Variants in RASSF8 observed in about 807,000 individuals in gnomAD.
RASSF8 encodes the protein ras association domain-containing protein 8.
Under a neutral mutation model 48.5 loss-of-function variants are expected in RASSF8, and 22 were observed. The ratio of observed to expected loss-of-function variants is 0.45; its 90% CI spans 0.32 to 0.65. RASSF8 has a LOEUF of 0.65. RASSF8 is among the 30% of genes least tolerant of loss of function. The pLI, the probability that RASSF8 is intolerant of heterozygous loss-of-function variation, is 0.03. For missense variants in RASSF8, 418 were observed against 489.2 expected, an observed-to-expected ratio of 0.85 and a Z score of 1.37; for synonymous variants, 127 against 171.5, an observed-to-expected ratio of 0.74 and a Z score of 2.03.
At chr12:26,061,983 T>A (rs1943754055) in intron 3 of RASSF8, among the ~76,000 whole-genome samples, 2 of 152,218 alleles carry the variant, frequency 1.3e-5, no homozygotes, top group Admixed American at 1.3e-4. Context: ...CAGTAAGCAC[T>A]GGAAAATTAG....
chr12:25,958,639 G>GCCCGGCC (rs1186276124), upstream of RASSF8: 2 of 143,118 alleles, frequency 1.4e-5, no homozygotes, highest in African/African-American at 5.1e-5. Context: ...TGGCCGCCCG[G>GCCCGGCC]CCCGGCCCGG....
chr12:26,060,848 C>A (rs1302695643), intron 3 of RASSF8, among the ~76,000 whole-genome samples: 1 of 152,174 alleles, frequency 6.6e-6, no homozygotes, highest in African/African-American at 2.4e-5. Context: ...CATTATTTCT[C>A]ATATGTCCAG....
intron 2 of RASSF8, among the ~76,000 whole-genome samples, chr12:25,999,739 A>G (rs565480432): frequency 2.6e-5 from 4 of 152,330 alleles, no homozygotes; most frequent in Non-Finnish European, 4.4e-5. Context: ...GCAATCAACT[A>G]AAATGTAGTT....
At chr12:25,972,986 G>T (rs1382714867) in intron 1 of RASSF8, among the ~76,000 whole-genome samples, 1 of 152,096 alleles carries the variant, frequency 6.6e-6, no homozygotes, top group African/African-American at 2.4e-5. Context: ...ACCCAAGGCT[G>T]TGTGATTCAT....
At chr12:25,999,773 T>C (rs187646619) in intron 2 of RASSF8, among the ~76,000 whole-genome samples, 241 of 152,322 alleles carry the variant, frequency 1.6e-3, no homozygotes, top group African/African-American at 5.7e-3. Context: ...CTGTAAATCA[T>C]GTAAATATCA....
At position 26,048,810 on chromosome 12, in the gene RASSF8, A is replaced by G. The variant is rs80007242; in HGVS notation, c.-108-6426A>G. On this transcript the variant is annotated intron_variant, in intron 2 of 5. Transcript: ENST00000689635. ...CTCTTGTCGCCCAGGCTGGAGTGCA[A>G]TGGTGCATTCTTGGCTCACCGCAAC... 7.3e-5 allele frequency among the ~76,000 whole-genome samples: 11 copies of G among 151,666 alleles called. No homozygotes were observed. In the East Asian group the frequency reaches 1.7e-3, roughly 24 times the overall value.
chr12:25,998,344 C>T (rs1942178112), intron 2 of RASSF8, among the ~76,000 whole-genome samples: 1 of 144,036 alleles, frequency 6.9e-6, no homozygotes, highest in South Asian at 2.2e-4. Context: ...TTTCTGAAGA[C>T]AAAGCTTTTT....
chr12:26,077,797 G>A (rs532788819), downstream of RASSF8, among the ~76,000 whole-genome samples: 1 of 152,270 alleles, frequency 6.6e-6, no homozygotes, highest in South Asian at 2.1e-4. Context: ...TGAACTGACA[G>A]TTCATTAAAA....
chr12:25,963,964 C>G (rs1941297531), intron 1 of RASSF8, among the ~76,000 whole-genome samples: 1 of 152,248 alleles, frequency 6.6e-6, no homozygotes, highest in African/African-American at 2.4e-5. Flanking sequence ...GATGCCCCTG[C>G]AAGCCAGACC....
chr12:25,980,929 G>T (rs1941726896), intron 1 of RASSF8, among the ~76,000 whole-genome samples: 1 of 152,148 alleles, frequency 6.6e-6, no homozygotes, highest in African/African-American at 2.4e-5. Flanking sequence ...GGCATTATTA[G>T]CATATTATCC....
Position 26,017,136 on chromosome 12 carries a change from A to T in RASSF8, c.-109+22006A>T, listed in dbSNP as rs918347024. 4.6e-5 allele frequency among the ~76,000 whole-genome samples: 7 copies of T among 152,248 alleles called. No individual in the cohort carries two copies. In the East Asian group the frequency reaches 5.8e-4, roughly 13 times the overall value. ...GTAAATGAAATATTTTTTTAAAAAA[A>T]TTTTTGGTTGCTTTTGTCTTTATAT... On this transcript the variant is annotated intron_variant, in intron 2 of 5. Coordinates refer to ENST00000689635, the MANE Select transcript of RASSF8 (RefSeq NM_001394098.1).
At chr12:26,005,082 A>G (rs531801311) in intron 2 of RASSF8, among the ~76,000 whole-genome samples, 1 of 152,292 alleles carries the variant, frequency 6.6e-6, no homozygotes, top group Non-Finnish European at 1.5e-5. Context: ...AATCCTCATT[A>G]GCAGTTTCTT....
chr12:26,007,876 C>T (rs1243127899), intron 2 of RASSF8, among the ~76,000 whole-genome samples: 1 of 152,216 alleles, frequency 6.6e-6, no homozygotes, highest in African/African-American at 2.4e-5. Flanking sequence ...AACCTCACAT[C>T]TGTGTAAGTA....
chr12:25,994,819 C>A (rs1054882148), intron 1 of RASSF8, among the ~76,000 whole-genome samples: 1 of 152,156 alleles, frequency 6.6e-6, no homozygotes, highest in Non-Finnish European at 1.5e-5. Flanking sequence ...CACAAAAATG[C>A]TAATTGAAAC....
chr12:26,073,090 ATATCT>A (rs1373398237), downstream of RASSF8, among the ~76,000 whole-genome samples: 2 of 152,242 alleles, frequency 1.3e-5, no homozygotes, highest in Non-Finnish European at 2.9e-5. Context: ...AGAAGAAATG[ATATCT>A]TAATGAATCT....
chr12:26,023,546 T>A (rs2137073912), intron 2 of RASSF8, among the ~76,000 whole-genome samples: 1 of 152,230 alleles, frequency 6.6e-6, no homozygotes, highest in South Asian at 2.1e-4. Flanking sequence ...CATTTCCAGA[T>A]CAACTGAACT....
intron 4 of RASSF8, 63 bp downstream of exon 4, chr12:26,065,450 C>T (rs2137305717): frequency 6.7e-7 from 1 of 1,488,476 alleles, no homozygotes; most frequent in South Asian, 1.4e-5. Flanking sequence ...TTGGAATCTC[C>T]TTTTCATCAT....
At chr12:26,043,283 A>G (rs2137169898) in intron 2 of RASSF8, among the ~76,000 whole-genome samples, 1 of 152,348 alleles carries the variant, frequency 6.6e-6, no homozygotes, top group East Asian at 1.9e-4. Context: ...AGCATTTACC[A>G]AGGAAGGAGA....
downstream of RASSF8, among the ~76,000 whole-genome samples, chr12:26,075,708 A>C (rs996517432): frequency 6.6e-6 from 1 of 152,218 alleles, no homozygotes; most frequent in East Asian, 1.9e-4. Flanking sequence ...GTGAAGATCA[A>C]ATAAACAAAT....
Sources: allele counts gnomAD v4.1 joint callset (sites outside exome capture counted in the v4.1 genomes callset), GRCh38; gene constraint gnomAD v4.1.1; transcripts MANE v1.5; gene names NCBI Gene and HGNC (gene_info 2026-07-23, HGNC 2026-07-21).